The following SLC24A3 variants were observed in gnomAD, a reference collection of about 807,000 sequenced individuals.
SLC24A3 encodes solute carrier family 24 member 3, also known as sodium/potassium/calcium exchanger 3.
A neutral mutation model predicts 75.8 loss-of-function variants in SLC24A3; 28 were observed. The ratio of observed to expected loss-of-function variants is 0.37; its 90% CI spans 0.27 to 0.51. The LOEUF is 0.51. Ranked by LOEUF, SLC24A3 falls within the 20% of genes least tolerant of loss-of-function variation. The pLI, the probability that SLC24A3 is intolerant of heterozygous loss-of-function variation, is 0.94. For synonymous variants in SLC24A3, 372 were observed against 334.1 expected (o/e 1.11, Z -1.24); for missense variants, 663 against 847.8 (o/e 0.78, Z 2.71).
intron 2 of SLC24A3, among the ~76,000 whole-genome samples, chr20:19,330,837 A>C (rs1173606770): frequency 1.3e-5 from 2 of 152,252 alleles, no homozygotes; most frequent in African/African-American, 2.4e-5. Context: ...TTCCTTGTTA[A>C]AGTTAACATC....
At chr20:19,405,983 C>T (rs1256128312) in intron 2 of SLC24A3, among the ~76,000 whole-genome samples, 1 of 152,152 alleles carries the variant, frequency 6.6e-6, no homozygotes, top group Admixed American at 6.5e-5. Flanking sequence ...AATATATTTT[C>T]TAAAAGGAAC....
intron 2 of SLC24A3, among the ~76,000 whole-genome samples, chr20:19,392,915 C>A (rs1054685955): frequency 6.6e-6 from 1 of 152,096 alleles, no homozygotes; most frequent in Non-Finnish European, 1.5e-5. Context: ...GGAGAACTTG[C>A]AGTCAAAAGG....
chr20:19,610,838 C>G (rs1253567539), intron 6 of SLC24A3, among the ~76,000 whole-genome samples: 2 of 152,204 alleles, frequency 1.3e-5, no homozygotes, highest in Non-Finnish European at 2.9e-5. Flanking sequence ...CACTCCTGAG[C>G]ACATCCAGCC....
rs192303261 is a variant in SLC24A3 at position 19,465,782 on chromosome 20, C to T, written c.272-49706C>T. ...CTCTCTGTGATGTAATAGAATCTCA[C>T]GCTACTTTCTCTGGGCTTGTGCTTC... On this transcript the variant is annotated intron_variant, in intron 2 of 16. Coordinates refer to ENST00000328041, the MANE Select transcript of SLC24A3 (RefSeq NM_020689.4). Among the ~76,000 whole-genome samples the T allele has an allele frequency of 6.6e-5, 10 of 152,290 alleles. No homozygotes were observed. The East Asian group carries it at 7.7e-4, about 12-fold the overall frequency.
chr20:19,407,724 T>C (rs901286603), intron 2 of SLC24A3, among the ~76,000 whole-genome samples: 8 of 152,238 alleles, frequency 5.3e-5, no homozygotes, highest in Non-Finnish European at 1.2e-4. Flanking sequence ...TAGGTTCCCA[T>C]TCTCCACCAT....
chr20:19,634,674 T>G (rs1484665405), intron 6 of SLC24A3, among the ~76,000 whole-genome samples: 1 of 152,086 alleles, frequency 6.6e-6, no homozygotes, highest in South Asian at 2.1e-4. Flanking sequence ...TCCACTTATA[T>G]GAAGTTCTAG....
At chr20:19,522,648 C>T (rs2030120847) in intron 3 of SLC24A3, among the ~76,000 whole-genome samples, 1 of 152,234 alleles carries the variant, frequency 6.6e-6, no homozygotes, top group South Asian at 2.1e-4. Flanking sequence ...AAAGTACCTC[C>T]TGTCACAGGG....
intron 6 of SLC24A3, among the ~76,000 whole-genome samples, chr20:19,614,263 A>C (rs1317461256): frequency 2.0e-5 from 3 of 152,240 alleles, no homozygotes; most frequent in African/African-American, 7.2e-5. Context: ...TGGATTAATA[A>C]TAATAGCTTT....
intron 1 of SLC24A3, among the ~76,000 whole-genome samples, chr20:19,265,463 TG>T (rs1983137008): frequency 6.6e-6 from 1 of 152,306 alleles, no homozygotes; most frequent in African/African-American, 2.4e-5. Flanking sequence ...CAGGAAGGGC[TG>T]GGGAAGAGCG....
chr20:19,721,207 G>T lies in SLC24A3; in HGVS notation c.*67G>T. 1 of 1,585,456 alleles carries T rather than the reference G, an allele frequency of 6.3e-7. No homozygotes were observed. The highest frequency in any genetic ancestry group is 8.6e-7 in the Non-Finnish European group (1 of 1,166,938). Reference sequence around the variant, plus strand: ...GCAATACGAGACCCGGCCGCACCCCGAGTCACACAGGCCCCCGGGGCCACG... The same window carrying T: ...GCAATACGAGACCCGGCCGCACCCCTAGTCACACAGGCCCCCGGGGCCACG... On this transcript the variant is annotated 3_prime_UTR_variant, in exon 17 of 17. Transcript: ENST00000328041.
At chr20:19,384,056 C>T (rs928668406) in intron 2 of SLC24A3, among the ~76,000 whole-genome samples, 1 of 152,090 alleles carries the variant, frequency 6.6e-6, no homozygotes, top group East Asian at 1.9e-4. Flanking sequence ...AATTGGCAAA[C>T]AAAATTATAT....
chr20:19,601,108 T>A (rs1007166451), intron 6 of SLC24A3, among the ~76,000 whole-genome samples: 1 of 152,214 alleles, frequency 6.6e-6, no homozygotes, highest in East Asian at 1.9e-4. Context: ...AATAATAATA[T>A]CTACCTAATA....
At chr20:19,339,897 C>T (rs1271828175) in intron 2 of SLC24A3, among the ~76,000 whole-genome samples, 4 of 152,204 alleles carry the variant, frequency 2.6e-5, no homozygotes, top group African/African-American at 7.2e-5. Context: ...TCCATATAAT[C>T]TGCAAAAGAA....
At chr20:19,546,715 G>A (rs778993725) in intron 3 of SLC24A3, among the ~76,000 whole-genome samples, 18 of 152,188 alleles carry the variant, frequency 1.2e-4, no homozygotes, top group Non-Finnish European at 2.6e-4. Context: ...ATACCCTCAA[G>A]CCATCTGCTC....
chr20:19,392,124 T>C (rs1226373689), intron 2 of SLC24A3, among the ~76,000 whole-genome samples: 1 of 152,190 alleles, frequency 6.6e-6, no homozygotes, highest in African/African-American at 2.4e-5. Context: ...GAAAGGTCCT[T>C]GGAGCATAGA....
At chr20:19,598,766 C>A (rs1205575871) in intron 6 of SLC24A3, among the ~76,000 whole-genome samples, 1 of 152,072 alleles carries the variant, frequency 6.6e-6, no homozygotes, top group Admixed American at 6.6e-5. Context: ...ATACAGTAAA[C>A]TTTACTTTTT....
At chr20:19,598,905 TACAC>T (rs113937880) in intron 6 of SLC24A3, among the ~76,000 whole-genome samples, 2,061 of 149,534 alleles carry the variant, frequency 0.014, 25 homozygotes, top group Middle Eastern at 0.051. Flanking sequence ...TATATGTATA[TACAC>T]ACACACACAC....
chr20:19,303,809 T>C (rs1421483423), intron 2 of SLC24A3, among the ~76,000 whole-genome samples: 1 of 152,208 alleles, frequency 6.6e-6, no homozygotes, highest in African/African-American at 2.4e-5. Context: ...TGAGGCTAAG[T>C]CTTGCCTTCC....
At chr20:19,533,735 T>C (rs1166962312) in intron 3 of SLC24A3, among the ~76,000 whole-genome samples, 1 of 152,204 alleles carries the variant, frequency 6.6e-6, no homozygotes, top group Non-Finnish European at 1.5e-5. Flanking sequence ...GTTTAGATTT[T>C]ATCCCAGCAG....
Sources: allele counts gnomAD v4.1 joint callset (sites outside exome capture counted in the v4.1 genomes callset), GRCh38; gene constraint gnomAD v4.1.1; transcripts MANE v1.5; gene names NCBI Gene and HGNC (gene_info 2026-07-23, HGNC 2026-07-21).